Variants in CCDC149 observed in about 807,000 individuals in gnomAD.
CCDC149 encodes coiled-coil domain-containing protein 149.
CCDC149 carries 45 observed loss-of-function variants against 59.9 expected under a neutral mutation model. The ratio of observed to expected loss-of-function variants is 0.75; its 90% CI spans 0.59 to 0.96. The LOEUF is 0.96. Among genes scored for constraint, CCDC149 ranks in the 40% least tolerant of loss-of-function variants. The pLI, the probability that CCDC149 is intolerant of heterozygous loss-of-function variation, is 0.00. For missense variants in CCDC149, 584 were observed against 664.7 expected (o/e 0.88, Z 1.33); for synonymous variants, 245 against 260.6 (o/e 0.94, Z 0.58).
At position 24,831,526 on chromosome 4, in the gene CCDC149, C is replaced by T; in HGVS notation, c.945G>A (p.Gln315=). 3 of 1,614,024 alleles carry T rather than the reference C, an allele frequency of 1.9e-6. No individual in the cohort carries two copies. The highest frequency in any genetic ancestry group is 2.5e-6 in the Non-Finnish European group (3 of 1,179,980). The change falls in exon 9 of 13, where the codon CAG becomes CAA. Residue 315 remains glutamine, a synonymous_variant. Coordinates refer to ENST00000635206, the MANE Select transcript of CCDC149 (RefSeq NM_001330643.2). Reference sequence around the variant, plus strand: ...CCTACTTGTTGGTTTGCCTCTGGTGCTGAATGACCATGTTTTTCTCGTGGA... The same window carrying T: ...CCTACTTGTTGGTTTGCCTCTGGTGTTGAATGACCATGTTTTTCTCGTGGA...
intron 1 of CCDC149, among the ~76,000 whole-genome samples, chr4:24,977,235 G>A (rs1724241802): frequency 6.6e-6 from 1 of 152,006 alleles, no homozygotes; most frequent in African/African-American, 2.4e-5. Context: ...GACATTGGCT[G>A]GAGCTTTGGG....
intron 1 of CCDC149, among the ~76,000 whole-genome samples, chr4:24,934,263 T>C (rs978708617): frequency 1.1e-4 from 17 of 152,142 alleles, no homozygotes. Context: ...ACTGTTCTCA[T>C]GGTAGTGAAT....
intron 3 of CCDC149, among the ~76,000 whole-genome samples, chr4:24,856,135 A>G (rs952413866): frequency 1.5e-5 from 2 of 132,994 alleles, no homozygotes; most frequent in Non-Finnish European, 3.2e-5. Context: ...CTCAGTGAAC[A>G]GAGCTGTGTA....
At chr4:24,898,402 C>A (rs1217705235) in intron 1 of CCDC149, among the ~76,000 whole-genome samples, 13 of 152,114 alleles carry the variant, frequency 8.5e-5, no homozygotes, top group African/African-American at 2.9e-4. Flanking sequence ...TGGTGACTTA[C>A]AAAACCCATT....
At chr4:24,847,165 T>C (rs1389324993) in intron 4 of CCDC149, among the ~76,000 whole-genome samples, 1 of 152,170 alleles carries the variant, frequency 6.6e-6, no homozygotes, top group Non-Finnish European at 1.5e-5. Context: ...GGGACACATC[T>C]AGTTCACTGG....
chr4:24,947,769 C>A (rs1240912565), intron 1 of CCDC149, among the ~76,000 whole-genome samples: 1 of 152,042 alleles, frequency 6.6e-6, no homozygotes, highest in Non-Finnish European at 1.5e-5. Flanking sequence ...AGTAAATTAC[C>A]TTCCAAGATT....
chr4:24,947,693 C>T (rs1038673197), intron 1 of CCDC149, among the ~76,000 whole-genome samples: 28 of 152,276 alleles, frequency 1.8e-4, no homozygotes, highest in African/African-American at 6.5e-4. Flanking sequence ...TCAAAATTTG[C>T]CACCACTCAT....
intron 9 of CCDC149, among the ~76,000 whole-genome samples, chr4:24,826,383 G>A (rs369913094): frequency 1.3e-5 from 2 of 152,182 alleles, no homozygotes; most frequent in African/African-American, 4.8e-5. Flanking sequence ...GAAGGGCATC[G>A]TCCAGGTGGC....
chr4:24,873,122 A>G (rs186671467), intron 3 of CCDC149, among the ~76,000 whole-genome samples: 33 of 151,874 alleles, frequency 2.2e-4, no homozygotes, highest in Non-Finnish European at 3.5e-4. Flanking sequence ...GCACCCACTG[A>G]ATGGTATGCA....
intron 1 of CCDC149, among the ~76,000 whole-genome samples, chr4:24,975,900 G>A (rs1285842780): frequency 6.6e-6 from 1 of 151,802 alleles, no homozygotes; most frequent in African/African-American, 2.4e-5. Flanking sequence ...GTCCTGGGAA[G>A]GGCAAAGTCT....
chr4:24,956,430 C>T (rs6817236), intron 1 of CCDC149, among the ~76,000 whole-genome samples: 83,419 of 151,982 alleles, frequency 0.55, 24,381 homozygotes, highest in Non-Finnish European at 0.66. Flanking sequence ...ATTGCCATTC[C>T]TGCGAGAGCT....
Position 24,808,630 on chromosome 4 carries a change from A to G in CCDC149, c.1382T>C (p.Ile461Thr), listed in dbSNP as rs1046089300. 1 of 1,552,200 alleles carries G rather than the reference A, an allele frequency of 6.4e-7. No individual in the cohort carries two copies. ...TGCCTGTTCCTTTGTCAGTTTAATTATTTCCCTCCCAAGGCTGTTTACTTC... is the reference window on the plus strand; with the variant it reads ...TGCCTGTTCCTTTGTCAGTTTAATTGTTTCCCTCCCAAGGCTGTTTACTTC... The change falls in exon 13 of 13, where the codon ATA becomes ACA. Residue 461 changes from isoleucine (I) to threonine (T), a missense_variant. Coordinates refer to ENST00000635206, the MANE Select transcript of CCDC149 (RefSeq NM_001330643.2).
chr4:24,970,706 C>T (rs4697512), intron 1 of CCDC149, among the ~76,000 whole-genome samples: 25,003 of 151,998 alleles, frequency 0.16, 3,723 homozygotes, highest in African/African-American at 0.39. Context: ...GTGGCCTTAC[C>T]AACCAGTGGA....
intron 1 of CCDC149, among the ~76,000 whole-genome samples, chr4:24,922,549 G>A (rs1004160210): frequency 3.9e-5 from 6 of 152,136 alleles, no homozygotes; most frequent in South Asian, 4.1e-4. Context: ...CTTCTCCAAC[G>A]TCCTGAAGCT....
At chr4:24,852,904 G>A (rs1435197262) in intron 4 of CCDC149, among the ~76,000 whole-genome samples, 168 bp downstream of exon 4, 1 of 151,818 alleles carries the variant, frequency 6.6e-6, no homozygotes, top group Admixed American at 6.6e-5. Context: ...CACACAAAGG[G>A]AATGTAAAAA....
chr4:24,894,973 A>T (rs1466288236), intron 1 of CCDC149: 87 of 1,536,096 alleles, frequency 5.7e-5, no homozygotes, highest in Non-Finnish European at 7.4e-5. Context: ...AGTCCCATGC[A>T]GGCATGGTTT....
At chr4:24,932,108 A>G (rs931380310) in intron 1 of CCDC149, among the ~76,000 whole-genome samples, 3 of 151,916 alleles carry the variant, frequency 2.0e-5, no homozygotes, top group East Asian at 3.9e-4. Flanking sequence ...GCTCTAAACT[A>G]TTATATTATA....
Position 24,822,536 on chromosome 4 carries a change from AT to A in CCDC149, c.1002del (p.Lys334AsnfsTer2), listed in dbSNP as rs1478034807. On this transcript the variant is annotated frameshift_variant, in exon 10 of 13. Coordinates refer to ENST00000635206, the MANE Select transcript of CCDC149 (RefSeq NM_001330643.2). LOFTEE classifies it high-confidence loss of function. ...AAACCAGAAACTTCCAGAGTTCTTA[AT>A]TTTTTTTCCAGCTCAGCCACCCGAT... is the stretch of plus-strand genomic sequence containing the variant. 1.4e-5 allele frequency: 21 copies of A among 1,538,052 alleles called. No homozygotes were observed. The highest frequency in any genetic ancestry group is 6.1e-5 in the Admixed American group (3 of 48,824).
At position 24,806,231 on chromosome 4, in the gene CCDC149, G is replaced by C. The variant is rs552550089; in HGVS notation, c.*2158C>G. 3 of 152,218 alleles carry C rather than the reference G, an allele frequency of 2.0e-5. No individual in the cohort carries two copies. Among genetic ancestry groups the C allele is most frequent in the Admixed American group, 2.0e-4 (3 of 15,274 alleles). The allele number at this position is 152,218 out of a possible 1,614,324, so 9.4% of individuals were successfully genotyped here. On this transcript the variant is annotated 3_prime_UTR_variant, in exon 13 of 13. Coordinates refer to ENST00000635206, the MANE Select transcript of CCDC149 (RefSeq NM_001330643.2). ...ATGGGGTGTTATCAGGGTTATATCT[G>C]TGACAGGATCAACTAACTTACTGGC... is the stretch of plus-strand genomic sequence containing the variant.
Sources: allele counts gnomAD v4.1 joint callset (sites outside exome capture counted in the v4.1 genomes callset), GRCh38; gene constraint gnomAD v4.1.1; transcripts MANE v1.5; gene names NCBI Gene and HGNC (gene_info 2026-07-23, HGNC 2026-07-21).